The following CERS6 variants were observed in gnomAD, a reference collection of about 807,000 sequenced individuals.
CERS6 encodes LAG1 homolog, ceramide synthase 6.
Under a neutral mutation model 56.8 loss-of-function variants are expected in CERS6, and 26 were observed. The observed-to-expected ratio is 0.46, with a 90% CI of 0.34 to 0.63. The LOEUF (loss-of-function observed/expected upper bound fraction) is 0.63. Among genes scored for constraint, CERS6 ranks in the 30% least tolerant of loss-of-function variants. The pLI is 0.01. For synonymous variants in CERS6, 164 were observed against 173.3 expected (o/e 0.95, Z 0.42); for missense variants, 415 against 467.5 (o/e 0.89, Z 1.04).
intron 1 of CERS6, among the ~76,000 whole-genome samples, chr2:168,526,937 C>A (rs1434954293): frequency 1.3e-5 from 2 of 152,190 alleles, no homozygotes; most frequent in East Asian, 3.8e-4. Flanking sequence ...CAGATTGAAG[C>A]GTTTGAACAC....
At position 168,773,255 on chromosome 2, in the gene CERS6, T is replaced by TA. The variant is rs1684912316; in HGVS notation, c.*3598dup. ...TGGGCGGTTTTCTTAATTTGAAGTA[T>TA]AAAAATTATAAAGAGTAATTCCAAA... On this transcript the variant is annotated 3_prime_UTR_variant, in exon 10 of 10. Coordinates refer to ENST00000305747, the MANE Select transcript of CERS6 (RefSeq NM_203463.3). 6.6e-6 allele frequency: 1 copy of TA among 152,226 alleles called. No homozygotes were observed. The highest frequency in any genetic ancestry group is 2.4e-5 in the African/African-American group (1 of 41,452). The allele number at this position is 152,226 out of a possible 1,614,324, so 9.4% of individuals were successfully genotyped here.
intron 3 of CERS6, among the ~76,000 whole-genome samples, chr2:168,576,765 TG>T (rs1265484980): frequency 6.6e-6 from 1 of 152,194 alleles, no homozygotes; most frequent in African/African-American, 2.4e-5. Context: ...CATACACATA[TG>T]TTTTTCATGA....
intron 3 of CERS6, among the ~76,000 whole-genome samples, chr2:168,567,309 G>C (rs1005948809): frequency 2.0e-5 from 3 of 152,340 alleles, no homozygotes; most frequent in East Asian, 1.9e-4. Context: ...TTTTATATCT[G>C]TGGGTTGTAT....
At chr2:168,627,200 A>G (rs1014398859) in intron 3 of CERS6, among the ~76,000 whole-genome samples, 4 of 152,194 alleles carry the variant, frequency 2.6e-5, no homozygotes, top group African/African-American at 9.6e-5. Flanking sequence ...TCCCTTGATT[A>G]TTATTGCTAA....
chr2:168,529,051 A>C lies in CERS6; in HGVS notation c.171-18545A>C, dbSNP rs562301461. ...GAGGGGTTATGGAGACCAAGCCATC[A>C]TGAGGGCCACTCTGTCATGGCATCC... is the stretch of plus-strand genomic sequence containing the variant. On this transcript the variant is annotated intron_variant, in intron 1 of 9. Coordinates refer to ENST00000305747, the MANE Select transcript of CERS6 (RefSeq NM_203463.3). Among the ~76,000 whole-genome samples, 10 of 152,354 alleles carry C rather than the reference A, an allele frequency of 6.6e-5. No homozygotes were observed. The South Asian group carries it at 2.1e-3, about 32-fold the overall frequency.
chr2:168,652,777 C>G (rs1050591192), intron 4 of CERS6, among the ~76,000 whole-genome samples: 1 of 152,108 alleles, frequency 6.6e-6, no homozygotes, highest in Admixed American at 6.5e-5. Context: ...GAGCTTTTTG[C>G]TTCTGTCTTA....
At chr2:168,682,280 C>T (rs758501881) in intron 4 of CERS6, among the ~76,000 whole-genome samples, 28 of 151,884 alleles carry the variant, frequency 1.8e-4, no homozygotes, top group Non-Finnish European at 2.6e-4. Flanking sequence ...ATAGCTATGA[C>T]AATATGTAAT....
intron 6 of CERS6, among the ~76,000 whole-genome samples, chr2:168,708,856 A>C (rs907199558): frequency 2.6e-5 from 4 of 152,118 alleles, no homozygotes; most frequent in African/African-American, 9.6e-5. Context: ...ACACTGCATA[A>C]AATTAATGTA....
chr2:168,656,981 T>C (rs888656147), intron 4 of CERS6, among the ~76,000 whole-genome samples: 6 of 152,184 alleles, frequency 3.9e-5, no homozygotes, highest in Non-Finnish European at 8.8e-5. Context: ...AGAGTGTCGA[T>C]TGGTGCAGTC....
At chr2:168,747,143 G>A (rs972074759) in intron 8 of CERS6, among the ~76,000 whole-genome samples, 6 of 151,838 alleles carry the variant, frequency 4.0e-5, no homozygotes, top group East Asian at 1.9e-4. Context: ...AAAATTAACC[G>A]AGCATGATGG....
intron 3 of CERS6, among the ~76,000 whole-genome samples, chr2:168,588,737 C>T (rs1683604616): frequency 6.6e-6 from 1 of 152,136 alleles, no homozygotes; most frequent in African/African-American, 2.4e-5. Context: ...GTTCAAGACC[C>T]TGCTTTCAGT....
intron 1 of CERS6, among the ~76,000 whole-genome samples, chr2:168,495,043 A>G (rs1694441396): frequency 6.6e-6 from 1 of 152,180 alleles, no homozygotes; most frequent in African/African-American, 2.4e-5. Flanking sequence ...TCTGCCATGC[A>G]GGGTAGAATA....
intron 1 of CERS6, among the ~76,000 whole-genome samples, chr2:168,485,620 C>G (rs4668069): frequency 1 from 152,161 of 152,294 alleles, 76,014 homozygotes; most frequent in Non-Finnish European, 1. Context: ...TTTCAGATTT[C>G]CTTCTTTCAC....
At chr2:168,735,546 A>G (rs1028553934) in intron 8 of CERS6, among the ~76,000 whole-genome samples, 5 of 152,062 alleles carry the variant, frequency 3.3e-5, no homozygotes, top group African/African-American at 1.2e-4. Flanking sequence ...CAGAGTATGA[A>G]GTGCTGGTGA....
chr2:168,555,986 T>C (rs569087562), intron 2 of CERS6, among the ~76,000 whole-genome samples: 89 of 152,234 alleles, frequency 5.8e-4, no homozygotes, highest in African/African-American at 2.0e-3. Context: ...TTATTGTGAA[T>C]ATTTAAGATG....
rs1298399570 is a variant in CERS6 at position 168,770,225 on chromosome 2, C to T, written c.*563C>T. ...GTGTTTAATTTTCACTCTTCATGTT[C>T]AATTAGCAGTTCAAATTAAAGAAGA... is the stretch of plus-strand genomic sequence containing the variant. On this transcript the variant is annotated 3_prime_UTR_variant, in exon 10 of 10. Transcript: ENST00000305747. 2 of 152,296 alleles carry T rather than the reference C, an allele frequency of 1.3e-5. No individual in the cohort carries two copies. The highest frequency in any genetic ancestry group is 6.5e-5 in the Admixed American group (1 of 15,284). The allele number at this position is 152,296 out of a possible 1,614,324, so 9.4% of individuals were successfully genotyped here.
intron 1 of CERS6, among the ~76,000 whole-genome samples, chr2:168,464,361 A>G (rs1029111567): frequency 6.6e-6 from 1 of 152,000 alleles, no homozygotes; most frequent in South Asian, 2.1e-4. Context: ...GGGTTTCACC[A>G]TGTTGGCCGG....
chr2:168,761,165 G>A (rs139005266), intron 8 of CERS6, among the ~76,000 whole-genome samples: 70 of 152,160 alleles, frequency 4.6e-4, no homozygotes, highest in African/African-American at 1.5e-3. Flanking sequence ...AGATATATCC[G>A]TTTGGTGCAC....
chr2:168,666,793 C>A (rs1396573358), intron 4 of CERS6, among the ~76,000 whole-genome samples: 1 of 152,184 alleles, frequency 6.6e-6, no homozygotes, highest in Non-Finnish European at 1.5e-5. Flanking sequence ...TTTTCAGGTT[C>A]TCCTCTCTTG....
Sources: gnomAD v4.1 joint callset for allele counts (sites outside exome capture counted in the v4.1 genomes callset) on GRCh38, gnomAD v4.1.1 for gene constraint, MANE v1.5 for transcripts, NCBI Gene and HGNC (gene_info 2026-07-23, HGNC 2026-07-21) for gene names.